Variants in DHX8 observed in about 807,000 individuals in gnomAD.
DHX8 encodes the protein DEAH-box helicase 8, also known as ATP-dependent RNA helicase DHX8.
Under a neutral mutation model 140.7 loss-of-function variants are expected in DHX8, and 67 were observed. The observed-to-expected ratio is 0.48, with a 90% CI of 0.39 to 0.58. DHX8 has a LOEUF of 0.58. Among genes scored for constraint, DHX8 ranks in the 20% least tolerant of loss-of-function variants. The probability of loss-of-function intolerance (pLI) is 0.00; values close to 1 mark genes in which losing one functional copy is unlikely to be tolerated. For synonymous variants in DHX8, 533 were observed against 553.2 expected (o/e 0.96, Z 0.51); for missense variants, 887 against 1,550.7 (o/e 0.57, Z 7.19).
At position 43,524,545 on chromosome 17, in the gene DHX8, C is replaced by G; in HGVS notation, c.*698C>G. 1.0e-6 allele frequency: 1 copy of G among 986,326 alleles called. No individual in the cohort carries two copies. The highest frequency in any genetic ancestry group is 5.2e-4 in the Middle Eastern group (1 of 1,914). 61.1% of individuals were successfully genotyped at this position (986,326 alleles called of 1,614,324 possible). On this transcript the variant is annotated 3_prime_UTR_variant, in exon 23 of 23. Coordinates refer to ENST00000262415, the MANE Select transcript of DHX8 (RefSeq NM_004941.3). ...TAGCCGGGCCGTGCTGGGGGATCAC[C>G]CGATGATCAACCATGTCCTCTCCAC...
Position 43,508,388 on chromosome 17 carries a change from T to A in DHX8, c.2370T>A (p.Cys790Ter). ...LTGQEEIDTA[C>*]EILYERMKSL... The stretch of plus-strand genomic sequence containing the variant: ...GTCAGGAAGAAATTGATACTGCTTG[T>A]GAGATCCTGTATGAAAGAATGAAAT... Residue 790 changes from cysteine (C) to a stop codon, truncating the protein, a stop_gained, in exon 16 of 23, where the codon TGT becomes TGA. Coordinates refer to ENST00000262415, the MANE Select transcript of DHX8 (RefSeq NM_004941.3). LOFTEE classifies it high-confidence loss of function. 6.3e-7 allele frequency: 1 copy of A among 1,594,736 alleles called. No individual in the cohort carries two copies.
chr17:43,503,696 C>T (rs1254025029), intron 11 of DHX8, among the ~76,000 whole-genome samples: 2 of 151,560 alleles, frequency 1.3e-5, no homozygotes, highest in African/African-American at 4.9e-5. Flanking sequence ...CTGAGAGAAA[C>T]CAGGCACAAC....
chr17:43,542,061 T>C (rs1971550822), intron 3 of DHX8, among the ~76,000 whole-genome samples: 2 of 151,982 alleles, frequency 1.3e-5, no homozygotes, highest in Non-Finnish European at 2.9e-5. Flanking sequence ...ACACATGGGG[T>C]CTTTTTTTGA....
intron 11 of DHX8, among the ~76,000 whole-genome samples, chr17:43,502,776 A>T (rs1480050158): frequency 2.0e-5 from 3 of 152,138 alleles, no homozygotes; most frequent in Non-Finnish European, 4.4e-5. Context: ...TAAAAACCAA[A>T]ATATTAGATT....
At chr17:43,529,649 G>T (rs762542952), downstream of DHX8, 1 of 1,613,454 alleles carries the variant, frequency 6.2e-7, no homozygotes, top group South Asian at 1.1e-5. Context: ...CTCTCGAAAT[G>T]CACCGACCCC....
Position 43,517,440 on chromosome 17 carries a change from C to G in DHX8, c.2799+118C>G, listed in dbSNP as rs534662934. 462 of 1,214,244 alleles carry G rather than the reference C, an allele frequency of 3.8e-4. 5 individuals carry two copies. In the Middle Eastern group the frequency reaches 0.01, roughly 27 times the overall value. 75.2% of individuals were successfully genotyped at this position (1,214,244 alleles called of 1,614,324 possible). ...CTTTAGTAACCTCATGAAAGCAGTC[C>G]CTTTGAGTGAAATGCAAATGGCTGT... On this transcript the variant is annotated intron_variant, in intron 18 of 22. Transcript: ENST00000262415.
In DHX8 at chr17:43,524,922, C is replaced by T. The variant is rs1970557046; in HGVS notation, c.*1075C>T. The T allele has an allele frequency of 1.0e-6, 1 of 985,072 alleles. No homozygotes were observed. Among genetic ancestry groups the T allele is most frequent in the Admixed American group, 6.2e-5 (1 of 16,238 alleles). The allele number at this position is 985,072 out of a possible 1,614,324, so 61.0% of individuals were successfully genotyped here. A position where few individuals can be genotyped will look rare whatever the true frequency, so the allele number is the denominator to read the frequency against. ...CTAGCACTTGCTTGGAGAATAGCCA[C>T]CTCCTTGTGCCCTCCTCACAGCTCC... On this transcript the variant is annotated 3_prime_UTR_variant, in exon 23 of 23. Coordinates refer to ENST00000262415, the MANE Select transcript of DHX8 (RefSeq NM_004941.3).
In DHX8 at chr17:43,506,947, C is replaced by A. The variant is rs114200706; in HGVS notation, c.1729-56C>A. 188 of 1,332,072 alleles carry A rather than the reference C, an allele frequency of 1.4e-4. No homozygotes were observed. In the African/African-American group the frequency reaches 2.6e-3, roughly 18 times the overall value. 82.5% of individuals were successfully genotyped at this position (1,332,072 alleles called of 1,614,324 possible). Reference sequence around the variant, plus strand: ...ACCATATTTATATTCTGTTTAATGACCATATTTATATTCTGGCAGATTTTA... The same window carrying A: ...ACCATATTTATATTCTGTTTAATGAACATATTTATATTCTGGCAGATTTTA... On this transcript the variant is annotated intron_variant, in intron 12 of 22. Transcript: ENST00000262415.
chr17:43,541,167 T>C (rs954812932), intron 3 of DHX8, among the ~76,000 whole-genome samples: 11 of 152,086 alleles, frequency 7.2e-5, no homozygotes, highest in Admixed American at 2.0e-4. Context: ...CTGTCCTAGC[T>C]CAGCCCCTCC....
intron 2 of DHX8, chr17:43,532,560 T>A: frequency 4.4e-6 from 4 of 904,652 alleles, no homozygotes; most frequent in South Asian, 1.9e-5. Context: ...AAAAAGTGGG[T>A]GGGTGGGTTG....
downstream of DHX8, chr17:43,529,467 T>G: frequency 6.3e-7 from 1 of 1,578,442 alleles, no homozygotes; most frequent in Non-Finnish European, 8.6e-7. Context: ...GGCTGTAAAC[T>G]TTGGAAAGGA....
exon 4 of DHX8, chr17:43,544,219 ACCT>A (rs1173073898): frequency 2.6e-5 from 4 of 152,240 alleles, no homozygotes; most frequent in African/African-American, 7.3e-5. Context: ...CAACCAGGAA[ACCT>A]CCTGAACACA....
Position 43,515,245 on chromosome 17 carries a change from G to A in DHX8, c.2643+1743G>A, listed in dbSNP as rs143256569. On this transcript the variant is annotated intron_variant, in intron 17 of 22. Transcript: ENST00000262415. ...GCTCTGTCGCCCAGTTTGGAGTGCA[G>A]TGGTGCAATCTCAGCTCACTGCAAC... Among the ~76,000 whole-genome samples the A allele has an allele frequency of 2.1e-3, 313 of 152,294 alleles. 1 individual carries two copies. Among genetic ancestry groups the A allele is most frequent in the African/African-American group, 7.0e-3 (291 of 41,556 alleles).
intron 2 of DHX8, chr17:43,533,367 CAG>C (rs760728982): frequency 3.1e-5 from 49 of 1,605,048 alleles, no homozygotes; most frequent in South Asian, 1.5e-4. Flanking sequence ...GAGAAGGAGA[CAG>C]GGGTGAGGGG....
chr17:43,505,827 C>T (rs1347328561), intron 12 of DHX8, among the ~76,000 whole-genome samples: 1 of 151,942 alleles, frequency 6.6e-6, no homozygotes, highest in Non-Finnish European at 1.5e-5. Flanking sequence ...ATCAGGTTTA[C>T]TAGTTTCTAG....
At chr17:43,529,258 GGTAGA>G (rs1358127380), downstream of DHX8, 1 of 1,611,172 alleles carries the variant, frequency 6.2e-7, no homozygotes, top group East Asian at 2.2e-5. Flanking sequence ...ACAGTTTTGG[GGTAGA>G]GATGCTACCT....
chr17:43,493,700 T>C lies in DHX8; in HGVS notation c.1026T>C (p.Thr342=). 1 of 1,614,218 alleles carries C rather than the reference T, an allele frequency of 6.2e-7. No individual in the cohort carries two copies. The highest frequency in any genetic ancestry group is 1.1e-5 in the South Asian group (1 of 91,092). ...SLSMKDVDQE[T]GEDLNPNRRR... is the part of the protein sequence containing the mutation. ...TGCCTTAGGATGTGGATCAAGAGAC[T>C]GGAGAAGATCTAAACCCAAATAGAC... The change falls in exon 8 of 23, where the codon ACT becomes ACC. Residue 342 remains threonine (T), a synonymous_variant. Transcript: ENST00000262415.
downstream of DHX8, chr17:43,530,459 A>G: frequency 7.4e-7 from 1 of 1,345,266 alleles, no homozygotes; most frequent in Non-Finnish European, 9.6e-7. Context: ...CCAAGCTGCC[A>G]GGGAGCAGCT....
At chr17:43,518,247 GTTTATGGTCACAATCAC>G (rs1364160562) in intron 18 of DHX8, 1 of 152,220 alleles carries the variant, frequency 6.6e-6, no homozygotes, top group Admixed American at 6.5e-5. Context: ...CACCTGCTGT[GTTTATGGTCACAATCAC>G]TTTATGAGAA....
Sources: allele counts gnomAD v4.1 joint callset (sites outside exome capture counted in the v4.1 genomes callset), GRCh38; gene constraint gnomAD v4.1.1; transcripts MANE v1.5; gene names NCBI Gene and HGNC (gene_info 2026-07-23, HGNC 2026-07-21).